The following BRCA2 variants were observed in gnomAD, a reference collection of about 807,000 sequenced individuals.
BRCA2 encodes the protein breast cancer type 2 susceptibility protein.
Under a neutral mutation model 276.7 loss-of-function variants are expected in BRCA2, and 203 were observed. The ratio of observed to expected loss-of-function variants is 0.73; its 90% CI spans 0.65 to 0.82. BRCA2 has a LOEUF of 0.82. Ranked by LOEUF, BRCA2 falls within the 40% of genes least tolerant of loss-of-function variation. The pLI is 0.00. For missense variants in BRCA2, 3,920 were observed against 3,915.0 expected, an observed-to-expected ratio of 1.00 and a Z score of -0.03; for synonymous variants, 1,289 against 1,338.4, an observed-to-expected ratio of 0.96 and a Z score of 0.81.
rs1555281108 is a variant in BRCA2 at position 32,326,619 on chromosome 13, A to G, written c.631+6A>G. On this transcript the variant is annotated splice_donor_region_variant and intron_variant, in intron 7 of 26. Coordinates refer to ENST00000380152, the MANE Select transcript of BRCA2 (RefSeq NM_000059.4). ...TAGTTCTACTGTGCTCATAGGTAAT[A>G]ATAGCAAATGTGTATTTACAAGAAA... 6.4e-7 allele frequency: 1 copy of G among 1,567,206 alleles called. No individual in the cohort carries two copies. The highest frequency in any genetic ancestry group is 1.1e-5 in the South Asian group (1 of 89,710).
chr13:32,380,238 C>A, intron 24 of BRCA2, 93 bp downstream of exon 24: 1 of 1,328,912 alleles, frequency 7.5e-7, no homozygotes, highest in Non-Finnish European at 1.0e-6. Context: ...TACCAGTTGG[C>A]AAATTTGCTA....
intron 15 of BRCA2, 151 bp downstream of exon 15, chr13:32,356,760 G>A: frequency 9.7e-7 from 1 of 1,027,570 alleles, no homozygotes. Context: ...TTAGCCTGCA[G>A]TGGCAGCCTC....
Position 32,379,860 on chromosome 13 carries a change from A to C in BRCA2, c.9064A>C (p.Arg3022=), listed in dbSNP as rs1593937564. 1.9e-6 allele frequency: 3 copies of C among 1,613,810 alleles called. No homozygotes were observed. The highest frequency in any genetic ancestry group is 2.2e-5 in the South Asian group (2 of 91,070). Residue 3022 remains arginine, a synonymous_variant, in exon 23 of 27, where the codon AGA becomes CGA. Coordinates refer to ENST00000380152, the MANE Select transcript of BRCA2 (RefSeq NM_000059.4). ...ATSKSKSKSE[R]ANIQLAATKK... is the part of the protein sequence containing the mutation. ...TTCAAAATCTAAAAGTAAATCTGAA[A>C]GAGCTAACATACAGTTAGCAGCGAC...
In BRCA2 at chr13:32,355,250, T is replaced by C. The variant is rs169547; in HGVS notation, c.7397T>C (p.Val2466Ala). The C allele has an allele frequency of 1, 1,607,588 of 1,613,598 alleles. 800,969 individuals carry two copies. The highest frequency in any genetic ancestry group is 1 in the East Asian group (44,811 of 44,812). Residue 2466 changes from valine (V) to alanine (A), a missense_variant, in exon 14 of 27, where the codon GTA (valine) becomes GCA (alanine). Around this residue, in one of 2 missense-constraint regions of BRCA2, gnomAD observed 3,263 missense variants for 3,156.9 expected, o/e 1.03. Coordinates refer to ENST00000380152, the MANE Select transcript of BRCA2 (RefSeq NM_000059.4). ...AACAAAAACAACTCCAATCAAGCAG[T>C]AGCTGTAACTTTCACAAAGTGTGAA... is the stretch of plus-strand genomic sequence containing the variant. The part of the protein sequence containing the change: ...QFNKNNSNQA[V>A]AVTFTKCEEE...
At chr13:32,367,749 C>T (rs917374248) in intron 18 of BRCA2, among the ~76,000 whole-genome samples, 4 of 150,264 alleles carry the variant, frequency 2.7e-5, no homozygotes, top group African/African-American at 7.3e-5. Context: ...GAGTTGAGAT[C>T]GTGCTACTGC....
At chr13:32,361,911 ATC>A (rs1237728524) in intron 16 of BRCA2, among the ~76,000 whole-genome samples, 1 of 152,248 alleles carries the variant, frequency 6.6e-6, no homozygotes, top group African/African-American at 2.4e-5. Context: ...TTCTAAAAAA[ATC>A]TCTTTCATAA....
chr13:32,389,614 C>G (rs2072983536), intron 24 of BRCA2, among the ~76,000 whole-genome samples: 1 of 152,230 alleles, frequency 6.6e-6, no homozygotes, highest in African/African-American at 2.4e-5. Context: ...TCCCTCTGGC[C>G]TCTGGTTTTA....
chr13:32,334,491 C>T lies in BRCA2; in HGVS notation c.1909+1104C>T, dbSNP rs550712782. The stretch of plus-strand genomic sequence containing the variant: ...AGGAGTTTAAGAACACCCTGGGCAA[C>T]ATAGCGAGACCCCATCTCTACAAAA... On this transcript the variant is annotated intron_variant, in intron 10 of 26. Coordinates refer to ENST00000380152, the MANE Select transcript of BRCA2 (RefSeq NM_000059.4). Among the ~76,000 whole-genome samples the T allele has an allele frequency of 1.4e-4, 21 of 151,902 alleles. 1 individual carries two copies. In the South Asian group the frequency reaches 4.4e-3, roughly 32 times the overall value.
rs11571801 is a variant in BRCA2, at chr13:32,389,392, C to G, written c.9257-5297C>G. ...TTGTTTCTTCCTCCATCCTATTGTC[C>G]TCAGTCCTGATGCTCTGAGAGTCTT... is the stretch of plus-strand genomic sequence containing the variant. On this transcript the variant is annotated intron_variant, in intron 24 of 26. Transcript: ENST00000380152. Among the ~76,000 whole-genome samples, 3,788 of 152,262 alleles carry G rather than the reference C, an allele frequency of 0.025. 99 individuals are homozygous for G. The highest frequency in any genetic ancestry group is 0.12 in the South Asian group (590 of 4,826).
At chr13:32,368,244 A>T (rs2072799757) in intron 18 of BRCA2, among the ~76,000 whole-genome samples, 1 of 150,422 alleles carries the variant, frequency 6.6e-6, no homozygotes. Context: ...CTGGTGTTGA[A>T]CTCCTGACCT....
intron 20 of BRCA2, 114 bp from the exon 21 acceptor site, chr13:32,376,556 T>C (rs1472590460): frequency 3.4e-6 from 4 of 1,174,892 alleles, no homozygotes; most frequent in East Asian, 2.5e-5. Flanking sequence ...TTAGCAGTTA[T>C]ATAGTTTCTT....
At chr13:32,326,929 C>T (rs1194017630) in intron 7 of BRCA2, among the ~76,000 whole-genome samples, 1 of 152,150 alleles carries the variant, frequency 6.6e-6, no homozygotes. Context: ...ATTCTTTTTA[C>T]AAATGATTGT....
At position 32,333,136 on chromosome 13, in the gene BRCA2, T is replaced by C. The variant is rs876659627; in HGVS notation, c.1658T>C (p.Leu553Ser). Residue 553 changes from leucine to serine, a missense_variant, in exon 10 of 27, where the codon TTA becomes TCA. Leu to Ser is a moderately radical substitution (Grantham distance 145). This residue lies in a region of BRCA2 where 3,263 missense variants were observed against 3,156.9 expected (regional missense o/e 1.03). Coordinates refer to ENST00000380152, the MANE Select transcript of BRCA2 (RefSeq NM_000059.4). ...GTTTGCTCACAGAAGGAGGACTCCT[T>C]ATGTCCAAATTTAATTGATAATGGA... ...HTVCSQKEDSLCPNLIDNGSW... is the reference protein window; with the variant it reads ...HTVCSQKEDSSCPNLIDNGSW... 7 of 1,614,082 alleles carry C rather than the reference T, an allele frequency of 4.3e-6. No individual in the cohort carries two copies. The highest frequency in any genetic ancestry group is 5.1e-6 in the Non-Finnish European group (6 of 1,180,012).
At chr13:32,325,041 A>G (rs370259333) in intron 3 of BRCA2, 35 bp from the exon 4 acceptor site, 16 of 1,377,408 alleles carry the variant, frequency 1.2e-5, no homozygotes, top group Non-Finnish European at 1.7e-5. Flanking sequence ...AATCCAGAGT[A>G]TATACATTCT....
chr13:32,344,109 C>CT (rs2072592532), intron 11 of BRCA2, among the ~76,000 whole-genome samples: 1 of 150,116 alleles, frequency 6.7e-6, no homozygotes, highest in Non-Finnish European at 1.5e-5. Context: ...CCTCTTAACT[C>CT]TAATTCAAGG....
At chr13:32,318,049 A>G (rs1189272504) in intron 2 of BRCA2, among the ~76,000 whole-genome samples, 1 of 152,236 alleles carries the variant, frequency 6.6e-6, no homozygotes, top group Non-Finnish European at 1.5e-5. Context: ...CTTCATTAGG[A>G]CATTCTTACA....
chr13:32,385,923 A>G (rs1169409276), intron 24 of BRCA2: 5 of 161,214 alleles, frequency 3.1e-5, no homozygotes, highest in South Asian at 1.8e-4. Flanking sequence ...TCAAGGGATA[A>G]AAGTGTCAAT....
In BRCA2 at chr13:32,387,499, G is replaced by A. The variant is rs1476782571; in HGVS notation, c.9257-7190G>A. 5.9e-5 allele frequency among the ~76,000 whole-genome samples: 9 copies of A among 152,276 alleles called. 1 individual carries two copies. Among genetic ancestry groups the A allele is most frequent in the African/African-American group, 7.2e-5 (3 of 41,564 alleles). ...AACGGCAGTGTCTGGGAAGACACCC[G>A]TTACTTAGCAGACCGCAAAAGGGAG... On this transcript the variant is annotated intron_variant, in intron 24 of 26. Transcript: ENST00000380152.
rs876660447 is a variant in BRCA2 at position 32,356,487 on chromosome 13, C to G, written c.7495C>G (p.Gln2499Glu). ...DIQDMRIKKK[Q>E]RQRVFPQPGS... ...ACAGGATATGCGAATTAAGAAGAAACAAAGGCAACGCGTCTTTCCACAGCC... is the reference window on the plus strand; with the variant it reads ...ACAGGATATGCGAATTAAGAAGAAAGAAAGGCAACGCGTCTTTCCACAGCC... Residue 2499 changes from glutamine (Q) to glutamate (E), a missense_variant, in exon 15 of 27, where the codon CAA becomes GAA. Physicochemically the swap from Gln to Glu is conservative, Grantham distance 29. Transcript: ENST00000380152. 1 of 1,614,186 alleles carries G rather than the reference C, an allele frequency of 6.2e-7. No individual in the cohort carries two copies. The highest frequency in any genetic ancestry group is 1.3e-5 in the African/African-American group (1 of 75,052).
Sources: gnomAD v4.1 joint callset for allele counts (sites outside exome capture counted in the v4.1 genomes callset) on GRCh38, gnomAD v4.1.1 for gene constraint, gnomAD v4.1.1 regional missense constraint, MANE v1.5 for transcripts, NCBI Gene and HGNC (gene_info 2026-07-23, HGNC 2026-07-21) for gene names.